POLR1C: variants seen among roughly 807,000 people sequenced by gnomAD.
POLR1C encodes RNA polymerase I and III subunit C.
POLR1C carries 42 observed loss-of-function variants against 38.3 expected under a neutral mutation model. The ratio of observed to expected loss-of-function variants is 1.10; its 90% CI spans 0.86 to 1.42. The LOEUF (loss-of-function observed/expected upper bound fraction) is 1.42. POLR1C is among the 40% of genes most tolerant of loss of function. The probability of loss-of-function intolerance (pLI) is 0.00; values close to 1 mark genes in which losing one functional copy is unlikely to be tolerated. For missense variants in POLR1C, 507 were observed against 450.5 expected (o/e 1.13, Z -1.14); for synonymous variants, 163 against 163.9 (o/e 0.99, Z 0.04).
At chr6:43,531,432 ATACATATCGAGG>A (rs1029234362), downstream of POLR1C, 1 of 1,546,686 alleles carries the variant, frequency 6.5e-7, no homozygotes, top group Non-Finnish European at 8.9e-7. Flanking sequence ...TTCCTATACA[ATACATATCGAGG>A]AAGAAAATAT....
At chr6:43,560,284 T>C (rs1582237215) in intron 10 of POLR1C, 4 of 1,611,424 alleles carry the variant, frequency 2.5e-6, no homozygotes, top group Non-Finnish European at 3.4e-6. Flanking sequence ...CCAAGTCATC[T>C]GAGTTGAAGA....
intron 9 of POLR1C, chr6:43,549,785 C>T: frequency 1.6e-6 from 2 of 1,283,408 alleles, no homozygotes; most frequent in South Asian, 2.7e-5. Flanking sequence ...GATAATCTAC[C>T]ACCCTTACTA....
Position 43,517,318 on chromosome 6 carries a change from G to A in POLR1C, c.82G>A (p.Asp28Asn). ...CCCTTTGCTCTAGGTCCATACTACT[G>A]ACTTTCCCGGTAACTATTCCGGTTA... is the stretch of plus-strand genomic sequence containing the variant. The part of the protein sequence containing the change: ...EFGVRNVHTT[D>N]FPGNYSGYDD... Residue 28 changes from aspartate (D) to asparagine (N), a missense_variant, in exon 2 of 9, where the codon GAC becomes AAC. Coordinates refer to ENST00000642195, the MANE Select transcript of POLR1C (RefSeq NM_203290.4). The A allele has an allele frequency of 6.2e-7, 1 of 1,614,120 alleles. No individual in the cohort carries two copies.
intron 9 of POLR1C, chr6:43,547,571 T>C (rs1242900845): frequency 1.3e-6 from 2 of 1,595,978 alleles, no homozygotes; most frequent in East Asian, 4.5e-5. Context: ...CTCCTACCCA[T>C]GGCCAATGCC....
intron 8 of POLR1C, chr6:43,528,154 C>A: frequency 6.3e-7 from 1 of 1,590,256 alleles, no homozygotes; most frequent in African/African-American, 1.3e-5. Flanking sequence ...GTAGGTATCC[C>A]TTACCACAGC....
downstream of POLR1C, chr6:43,530,705 C>T (rs1038576805): frequency 2.5e-6 from 4 of 1,613,834 alleles, no homozygotes; most frequent in African/African-American, 1.3e-5. Context: ...GGGTCTGAGT[C>T]GGTAGTCAGG....
At chr6:43,520,240 A>G (rs1793074260) in intron 5 of POLR1C, 35 bp from the exon 6 acceptor site, 1 of 1,613,690 alleles carries the variant, frequency 6.2e-7, no homozygotes, top group South Asian at 1.1e-5. Context: ...TGCTAGTTTT[A>G]GGGACTGAGA....
At chr6:43,545,155 G>C (rs1794902036) in intron 9 of POLR1C, among the ~76,000 whole-genome samples, 1 of 151,796 alleles carries the variant, frequency 6.6e-6, no homozygotes, top group Non-Finnish European at 1.5e-5. Context: ...TTACAGGTGT[G>C]AGCCACCACA....
At chr6:43,524,534 C>T (rs763028102), downstream of POLR1C, 27 of 1,613,814 alleles carry the variant, frequency 1.7e-5, no homozygotes, top group Admixed American at 1.3e-4. Flanking sequence ...CCACTTTCTG[C>T]AGGGAGGGGT....
chr6:43,522,039 T>G (rs896040894), downstream of POLR1C, among the ~76,000 whole-genome samples: 4 of 152,234 alleles, frequency 2.6e-5, no homozygotes, highest in African/African-American at 9.6e-5. Flanking sequence ...ACCTATCTCC[T>G]GGTTTACCAG....
At chr6:43,551,461 A>G (rs1262567019) in intron 10 of POLR1C, 1 of 1,610,782 alleles carries the variant, frequency 6.2e-7, no homozygotes, top group African/African-American at 1.3e-5. Context: ...TTCCTGTAAC[A>G]AAGACATAAA....
chr6:43,538,356 G>A (rs961875275), intron 9 of POLR1C, among the ~76,000 whole-genome samples: 1 of 151,650 alleles, frequency 6.6e-6, no homozygotes, highest in African/African-American at 2.4e-5. Flanking sequence ...TTGTCATGTT[G>A]GCCAGGTTGG....
At chr6:43,561,011 TAGG>T (rs761243455) in intron 10 of POLR1C, 7 of 1,611,836 alleles carry the variant, frequency 4.3e-6, no homozygotes, top group Admixed American at 1.7e-5. Context: ...CTGCACCCTG[TAGG>T]AGAAGACCAC....
intron 9 of POLR1C, chr6:43,539,443 G>A: frequency 1.9e-6 from 3 of 1,567,286 alleles, no homozygotes; most frequent in African/African-American, 1.3e-5. Context: ...ATTCCTTAAT[G>A]GGCAGGGAGA....
chr6:43,539,323 A>T, intron 9 of POLR1C: 1 of 1,572,316 alleles, frequency 6.4e-7, no homozygotes, highest in Non-Finnish European at 8.6e-7. Context: ...CGATAGCAAC[A>T]AACGCCTTGA....
intron 10 of POLR1C, chr6:43,553,640 A>C (rs745506420): frequency 4.7e-5 from 67 of 1,415,704 alleles, no homozygotes; most frequent in Non-Finnish European, 6.0e-5. Context: ...GAGCAGGGTA[A>C]TCTAACCCCT....
intron 9 of POLR1C, among the ~76,000 whole-genome samples, chr6:43,535,264 A>T (rs982640375): frequency 1.0e-4 from 13 of 125,960 alleles, no homozygotes; most frequent in African/African-American, 5.0e-4. Context: ...TGTCTCAAAA[A>T]ACAACAACAA....
Position 43,553,309 on chromosome 6 carries a change from AAAGAG to A in POLR1C, c.*48+2301_*48+2305del, listed in dbSNP as rs1229775663. 3.3e-6 allele frequency: 5 copies of A among 1,536,766 alleles called. No individual in the cohort carries two copies. The African/African-American group carries it at 6.9e-5, about 21-fold the overall frequency. ...AGAGAGATATAGCGTCCCAAAATAG[AAAGAG>A]AAAAGAAAAGAAAAAGGTCAAAATA... On this transcript the variant is annotated intron_variant, in intron 10 of 10. Transcript: ENST00000607635.
intron 10 of POLR1C, among the ~76,000 whole-genome samples, chr6:43,559,672 A>G (rs1762302206): frequency 1.3e-5 from 2 of 152,256 alleles, no homozygotes; most frequent in African/African-American, 2.4e-5. Flanking sequence ...ACCTAGCCCA[A>G]TACTTATGAT....
Sources: gnomAD v4.1 joint callset for allele counts (sites outside exome capture counted in the v4.1 genomes callset) on GRCh38, gnomAD v4.1.1 for gene constraint, MANE v1.5 for transcripts, NCBI Gene and HGNC (gene_info 2026-07-23, HGNC 2026-07-21) for gene names.